Variants in PIK3AP1 observed in about 807,000 individuals in gnomAD.
PIK3AP1 encodes phosphoinositide-3-kinase adaptor protein 1.
Under a neutral mutation model 88.1 loss-of-function variants are expected in PIK3AP1, and 21 were observed. That is an observed-to-expected ratio of 0.24 (90% CI 0.17 to 0.34). PIK3AP1 has a LOEUF of 0.34. Ranked by LOEUF, PIK3AP1 falls within the 10% of genes least tolerant of loss-of-function variation. PIK3AP1 has a pLI of 1.00. For synonymous variants in PIK3AP1, 398 were observed against 400.0 expected (o/e 1.00, Z 0.06); for missense variants, 828 against 1,035.7 (o/e 0.80, Z 2.75).
rs141017458 is a variant in PIK3AP1 at position 96,645,185 on chromosome 10, C to G, written c.1375+288G>C. ...AAAAAGGACCCCTGGAGACTGAGGGCTGAGAGCCACTGATTTGGCCTCTCA... is the reference window on the plus strand; with the variant it reads ...AAAAAGGACCCCTGGAGACTGAGGGGTGAGAGCCACTGATTTGGCCTCTCA... On this transcript the variant is annotated intron_variant, in intron 8 of 16. Coordinates refer to ENST00000339364, the MANE Select transcript of PIK3AP1 (RefSeq NM_152309.3). 3.6e-3 allele frequency among the ~76,000 whole-genome samples: 554 copies of G among 152,298 alleles called. 2 individuals are homozygous for G. The highest frequency in any genetic ancestry group is 0.013 in the African/African-American group (528 of 41,560).
chr10:96,681,632 T>C (rs1453455337), intron 2 of PIK3AP1, among the ~76,000 whole-genome samples: 5 of 152,154 alleles, frequency 3.3e-5, no homozygotes, highest in Non-Finnish European at 7.3e-5. Flanking sequence ...ACAGTCAAAG[T>C]AGGTGACTCT....
At chr10:96,639,737 A>T (rs1843359312) in intron 8 of PIK3AP1, among the ~76,000 whole-genome samples, 1 of 152,228 alleles carries the variant, frequency 6.6e-6, no homozygotes, top group African/African-American at 2.4e-5. Flanking sequence ...TACTCGCCAG[A>T]ATCTTGCCAA....
At chr10:96,607,958 C>T (rs945507252) in intron 14 of PIK3AP1, among the ~76,000 whole-genome samples, 2 of 152,122 alleles carry the variant, frequency 1.3e-5, no homozygotes, top group African/African-American at 2.4e-5. Flanking sequence ...TAACAGGGGC[C>T]GGGTGCAGAC....
chr10:96,668,894 C>T (rs1260838480), intron 2 of PIK3AP1, among the ~76,000 whole-genome samples: 2 of 152,078 alleles, frequency 1.3e-5, no homozygotes, highest in Non-Finnish European at 2.9e-5. Context: ...CTTTGGGAGA[C>T]CAAGACAGGC....
chr10:96,594,566 G>C lies in PIK3AP1; in HGVS notation c.*1011C>G, dbSNP rs2134171670. ...AAGGCTGACTGTATTTCTATTTTAG[G>C]TTTGTTTTTCCTCCTCAGAAGCCTC... On this transcript the variant is annotated 3_prime_UTR_variant, in exon 17 of 17. Transcript: ENST00000339364. The surrounding 1 kb of genome is among the most constrained non-coding windows in gnomAD (Gnocchi z 4.6). 6.6e-6 allele frequency: 1 copy of C among 152,104 alleles called. No individual in the cohort carries two copies. Among genetic ancestry groups the C allele is most frequent in the South Asian group, 2.1e-4 (1 of 4,812 alleles). 9.4% of individuals were successfully genotyped at this position (152,104 alleles called of 1,614,324 possible). A position where few individuals can be genotyped will look rare whatever the true frequency, so the allele number is the denominator to read the frequency against.
chr10:96,673,912 G>A (rs931276151), intron 2 of PIK3AP1, among the ~76,000 whole-genome samples: 39 of 152,124 alleles, frequency 2.6e-4, no homozygotes, highest in African/African-American at 8.9e-4. Flanking sequence ...CCCCACTTAG[G>A]CTGACCCTTC....
intron 1 of PIK3AP1, among the ~76,000 whole-genome samples, chr10:96,711,686 T>C (rs889427696): frequency 4.7e-5 from 7 of 149,526 alleles, no homozygotes; most frequent in Non-Finnish European, 7.4e-5. Context: ...AAAAGCAACA[T>C]GTACAATGCA....
rs570164012 is a variant in PIK3AP1 at position 96,650,408 on chromosome 10, C to T, written c.988+840G>A. 5.9e-5 allele frequency among the ~76,000 whole-genome samples: 9 copies of T among 152,274 alleles called. No homozygotes were observed. The East Asian group carries it at 1.4e-3, about 23-fold the overall frequency. On this transcript the variant is annotated intron_variant, in intron 6 of 16. Coordinates refer to ENST00000339364, the MANE Select transcript of PIK3AP1 (RefSeq NM_152309.3). ...TGTCCAGAACACCAAGCATCATCCC[C>T]GTGCAAGGGGTGTGACTCTCTCAGC...
chr10:96,646,592 A>G (rs1349482406), intron 7 of PIK3AP1, among the ~76,000 whole-genome samples: 1 of 152,166 alleles, frequency 6.6e-6, no homozygotes, highest in East Asian at 1.9e-4. Flanking sequence ...CCCTGTGTGT[A>G]GTCAGAGGTC....
intron 2 of PIK3AP1, among the ~76,000 whole-genome samples, chr10:96,683,100 G>A (rs1187318143): frequency 6.6e-6 from 1 of 152,194 alleles, no homozygotes; most frequent in East Asian, 1.9e-4. Context: ...AAGGTGCCCT[G>A]AGATAACAAC....
chr10:96,650,406 C>A (rs1011709122), intron 6 of PIK3AP1, among the ~76,000 whole-genome samples: 4 of 152,148 alleles, frequency 2.6e-5, no homozygotes, highest in African/African-American at 9.7e-5. Context: ...AAGCATCATC[C>A]CCGTGCAAGG....
intron 8 of PIK3AP1, among the ~76,000 whole-genome samples, chr10:96,643,100 T>C (rs1843413090): frequency 1.3e-5 from 2 of 152,162 alleles, no homozygotes; most frequent in Non-Finnish European, 2.9e-5. Flanking sequence ...AACCGAAATG[T>C]ACTAGATGCT....
intron 2 of PIK3AP1, among the ~76,000 whole-genome samples, chr10:96,676,755 T>C (rs1843927236): frequency 6.6e-6 from 1 of 151,910 alleles, no homozygotes; most frequent in African/African-American, 2.4e-5. Flanking sequence ...ATTAACAGCT[T>C]ACAAAGCTGG....
chr10:96,686,913 G>A lies in PIK3AP1; in HGVS notation c.430+22654C>T, dbSNP rs117365796. Among the ~76,000 whole-genome samples the A allele has an allele frequency of 9.8e-3, 1,488 of 152,242 alleles. 10 individuals carry two copies. The highest frequency in any genetic ancestry group is 0.016 in the Non-Finnish European group (1,068 of 68,010). On this transcript the variant is annotated intron_variant, in intron 2 of 16. Coordinates refer to ENST00000339364, the MANE Select transcript of PIK3AP1 (RefSeq NM_152309.3). ...GGATGGAGGTGGGTGTGCCCAGGCC[G>A]TGCCTTTGAAAGCCACTGCCTTGAA...
intron 2 of PIK3AP1, among the ~76,000 whole-genome samples, chr10:96,677,204 G>A (rs969809018): frequency 2.6e-4 from 39 of 152,194 alleles, no homozygotes; most frequent in Non-Finnish European, 5.0e-4. Flanking sequence ...TTCTGCCCCC[G>A]TGACACATAA....
intron 2 of PIK3AP1, among the ~76,000 whole-genome samples, chr10:96,673,664 T>C (rs1422448345): frequency 6.6e-6 from 1 of 152,166 alleles, no homozygotes; most frequent in Non-Finnish European, 1.5e-5. Context: ...CAGGAATCAG[T>C]TCTTATCTAG....
chr10:96,622,781 A>C (rs1384942310), intron 11 of PIK3AP1, among the ~76,000 whole-genome samples: 3 of 152,252 alleles, frequency 2.0e-5, no homozygotes, highest in African/African-American at 7.2e-5. Context: ...GTTTAGCACA[A>C]GGAAATTAAT....
intron 8 of PIK3AP1, among the ~76,000 whole-genome samples, chr10:96,634,315 G>C (rs1311431796): frequency 6.6e-6 from 1 of 152,216 alleles, no homozygotes; most frequent in African/African-American, 2.4e-5. Context: ...GTAAAGGTAC[G>C]GACAAGGGCT....
intron 2 of PIK3AP1, among the ~76,000 whole-genome samples, chr10:96,691,085 C>T (rs1219546349): frequency 6.6e-6 from 1 of 152,194 alleles, no homozygotes; most frequent in African/African-American, 2.4e-5. Context: ...CCATAGCTTG[C>T]TTAATTCCTC....
Sources: gnomAD v4.1 joint callset for allele counts (sites outside exome capture counted in the v4.1 genomes callset) on GRCh38, gnomAD v4.1.1 for gene constraint, Gnocchi (gnomAD v3.1) non-coding constraint, MANE v1.5 for transcripts, NCBI Gene and HGNC (gene_info 2026-07-23, HGNC 2026-07-21) for gene names.